CHP1: variants seen among roughly 807,000 people sequenced by gnomAD.
CHP1 encodes the protein calcineurin like EF-hand protein 1, also known as calcineurin B homologous protein 1.
Under a neutral mutation model 27.4 loss-of-function variants are expected in CHP1, and 11 were observed. The observed-to-expected ratio is 0.40, with a 90% CI of 0.25 to 0.67. CHP1 has a LOEUF of 0.67. Among genes scored for constraint, CHP1 ranks in the 30% least tolerant of loss-of-function variants. CHP1 has a pLI of 0.38. For missense variants in CHP1, 169 were observed against 251.3 expected (o/e 0.67, Z 2.22); for synonymous variants, 89 against 87.4 (o/e 1.02, Z -0.10).
At chr15:41,240,591 TA>T (rs2047301234) in intron 1 of CHP1, among the ~76,000 whole-genome samples, 1 of 151,828 alleles carries the variant, frequency 6.6e-6, no homozygotes, top group Admixed American at 6.6e-5. Flanking sequence ...CTGTCTCTAC[TA>T]AAAATACAAA....
intron 1 of CHP1, 84 bp from the exon 2 acceptor site, chr15:41,243,583 T>C (rs1052037538): frequency 1.9e-6 from 2 of 1,041,178 alleles, no homozygotes; most frequent in Non-Finnish European, 1.5e-6. Flanking sequence ...CCTACTGAAT[T>C]TTGAAGCATT....
At chr15:41,264,483 A>G (rs1052129370) in intron 4 of CHP1, among the ~76,000 whole-genome samples, 1 of 152,218 alleles carries the variant, frequency 6.6e-6, no homozygotes, top group African/African-American at 2.4e-5. Flanking sequence ...TCTGTCACCC[A>G]GGCTGAGTGC....
At chr15:41,231,699 C>T (rs2047244327) in intron 1 of CHP1, among the ~76,000 whole-genome samples, 1 of 151,972 alleles carries the variant, frequency 6.6e-6, no homozygotes, top group East Asian at 1.9e-4. Context: ...AGCGTCGACG[C>T]CCCCCTTTTC....
At chr15:41,264,253 C>T in intron 4 of CHP1, 1 of 1,273,030 alleles carries the variant, frequency 7.9e-7, no homozygotes, top group Non-Finnish European at 1.0e-6. Context: ...CTTCCCCTCA[C>T]TTTGATAAGT....
At chr15:41,243,888 TG>T in intron 2 of CHP1, 149 bp downstream of exon 2, 1 of 672,448 alleles carries the variant, frequency 1.5e-6, no homozygotes, top group Non-Finnish European at 2.6e-6. Flanking sequence ...TGAGCATCAT[TG>T]ATCCACAAGA....
At chr15:41,264,338 GTTCTGCT>G in intron 4 of CHP1, 1 of 488,544 alleles carries the variant, frequency 2.0e-6, no homozygotes, top group South Asian at 2.6e-5. Flanking sequence ...TGTGATTGGG[GTTCTGCT>G]AAGGAAAAAG....
At chr15:41,272,751 A>C (rs2047496898) in intron 5 of CHP1, among the ~76,000 whole-genome samples, 1 of 152,102 alleles carries the variant, frequency 6.6e-6, no homozygotes, top group Admixed American at 6.6e-5. Context: ...AGACAGCGTA[A>C]GAAAAGAAAA....
chr15:41,256,408 T>C (rs900273162), intron 2 of CHP1, among the ~76,000 whole-genome samples: 1 of 152,288 alleles, frequency 6.6e-6, no homozygotes, highest in Admixed American at 6.5e-5. Flanking sequence ...AGGAAATCAA[T>C]TGGTTGTCAC....
chr15:41,275,124 A>G (rs1307794165), intron 5 of CHP1, among the ~76,000 whole-genome samples: 1 of 151,704 alleles, frequency 6.6e-6, no homozygotes, highest in East Asian at 1.9e-4. Flanking sequence ...ATTGGGGTAC[A>G]TTTGTACCTA....
At chr15:41,238,809 G>C (rs529408218) in intron 1 of CHP1, among the ~76,000 whole-genome samples, 9 of 152,120 alleles carry the variant, frequency 5.9e-5, no homozygotes, top group African/African-American at 2.2e-4. Flanking sequence ...CCAAGATCGC[G>C]CCACTGCACT....
intron 2 of CHP1, among the ~76,000 whole-genome samples, chr15:41,247,014 C>CAA (rs528644397): frequency 1.6e-5 from 2 of 123,994 alleles, no homozygotes; most frequent in Non-Finnish European, 1.7e-5. Flanking sequence ...GACTCTGTCT[C>CAA]AAAAAAAAAA....
At chr15:41,254,670 G>C (rs962099704) in intron 2 of CHP1, among the ~76,000 whole-genome samples, 8 of 152,212 alleles carry the variant, frequency 5.3e-5, no homozygotes, top group African/African-American at 1.9e-4. Context: ...CCAGAGCTTT[G>C]TGTTCAGTCC....
At chr15:41,267,473 C>T (rs2047467063) in intron 4 of CHP1, among the ~76,000 whole-genome samples, 1 of 151,762 alleles carries the variant, frequency 6.6e-6, no homozygotes, top group Admixed American at 6.6e-5. Flanking sequence ...ACCAGCTTGG[C>T]TAACATGGTG....
chr15:41,231,293 T>A lies in CHP1; in HGVS notation c.-90T>A. On this transcript the variant is annotated 5_prime_UTR_variant, in exon 1 of 7. The change creates a new upstream start codon in the 5' untranslated region. Coordinates refer to ENST00000334660, the MANE Select transcript of CHP1 (RefSeq NM_007236.5). ...AGTGGAAACACTGCCCTCTCCCTTC[T>A]TGACCCCTAGCCCTTCCTTCCCTCC... 7.7e-7 allele frequency: 1 copy of A among 1,302,558 alleles called. No individual in the cohort carries two copies. The highest frequency in any genetic ancestry group is 1.1e-6 in the Non-Finnish European group (1 of 922,088). The allele number at this position is 1,302,558 out of a possible 1,614,324, so 80.7% of individuals were successfully genotyped here.
chr15:41,279,350 G>A lies in CHP1; in HGVS notation c.549G>A (p.Val183=), dbSNP rs746530578. 4.3e-6 allele frequency: 7 copies of A among 1,613,646 alleles called. No individual in the cohort carries two copies. Among genetic ancestry groups the A allele is most frequent in the East Asian group, 2.2e-5 (1 of 44,890 alleles). The change falls in exon 7 of 7, where the codon GTG becomes GTA. Residue 183 remains valine, a synonymous_variant. Transcript: ENST00000334660. ...TTCTCCCCCAGGTTTTGGAGAAGGTGGATGTAGAACAGAAAATGAGCATCC... is the reference window on the plus strand; with the variant it reads ...TTCTCCCCCAGGTTTTGGAGAAGGTAGATGTAGAACAGAAAATGAGCATCC... ...FTEFVKVLEK[V]DVEQKMSIRF... is the part of the protein sequence containing the mutation.
chr15:41,266,379 G>C (rs543505555), intron 4 of CHP1, among the ~76,000 whole-genome samples: 1 of 151,928 alleles, frequency 6.6e-6, no homozygotes, highest in African/African-American at 2.4e-5. Flanking sequence ...AAAGTGAAAG[G>C]TATAATTCAT....
chr15:41,245,530 T>A (rs191561693), intron 2 of CHP1, among the ~76,000 whole-genome samples: 4 of 152,218 alleles, frequency 2.6e-5, no homozygotes, highest in Non-Finnish European at 5.9e-5. Flanking sequence ...TTAAGGTTCA[T>A]CCATGATGTA....
chr15:41,264,206 A>G, intron 4 of CHP1: 1 of 1,287,740 alleles, frequency 7.8e-7, no homozygotes, highest in Non-Finnish European at 1.0e-6. Context: ...CGAGACTGAA[A>G]TTGAGCAACA....
At chr15:41,261,591 G>A (rs1307683764) in intron 3 of CHP1, among the ~76,000 whole-genome samples, 2 of 152,100 alleles carry the variant, frequency 1.3e-5, no homozygotes, top group Non-Finnish European at 2.9e-5. Flanking sequence ...GGGCATGGTG[G>A]CTCATGCCTG....
Sources: gnomAD v4.1 joint callset for allele counts (sites outside exome capture counted in the v4.1 genomes callset) on GRCh38, gnomAD v4.1.1 for gene constraint, MANE v1.5 for transcripts, NCBI Gene and HGNC (gene_info 2026-07-23, HGNC 2026-07-21) for gene names.